Variants in SYNPR observed in about 807,000 individuals in gnomAD.
SYNPR encodes synaptoporin.
SYNPR carries 23 observed loss-of-function variants against 32.9 expected under a neutral mutation model. The ratio of observed to expected loss-of-function variants is 0.70; its 90% CI spans 0.50 to 0.99. SYNPR has a LOEUF of 0.99. Ranked by LOEUF, SYNPR falls within the 50% of genes least tolerant of loss-of-function variation. The pLI is 0.00. For synonymous variants in SYNPR, 146 were observed against 135.9 expected, an observed-to-expected ratio of 1.07 and a Z score of -0.52; for missense variants, 318 against 349.3, an observed-to-expected ratio of 0.91 and a Z score of 0.71.
intron 1 of SYNPR, among the ~76,000 whole-genome samples, chr3:63,232,615 A>G (rs1033916573): frequency 1.3e-5 from 2 of 152,186 alleles, no homozygotes; most frequent in African/African-American, 4.8e-5. Context: ...TGTAGGAAAT[A>G]CTATTGAATT....
rs538680771 is a variant in SYNPR at position 63,602,744 on chromosome 3, T to C, written c.409-6381T>C. Among the ~76,000 whole-genome samples, 330 of 152,360 alleles carry C rather than the reference T, an allele frequency of 2.2e-3. 2 individuals carry two copies. The highest frequency in any genetic ancestry group is 7.7e-3 in the African/African-American group (320 of 41,582). On this transcript the variant is annotated intron_variant, in intron 4 of 5. Coordinates refer to ENST00000478300, the MANE Select transcript of SYNPR (RefSeq NM_001130003.2). Reference sequence around the variant, plus strand: ...AACAGTACCATGTTGTTTTGGTTACTGTAGCCTTATAGTATAGCTTGAAGT... The same window carrying C: ...AACAGTACCATGTTGTTTTGGTTACCGTAGCCTTATAGTATAGCTTGAAGT...
At chr3:63,552,793 G>T (rs1027265726) in intron 3 of SYNPR, among the ~76,000 whole-genome samples, 3 of 152,172 alleles carry the variant, frequency 2.0e-5, no homozygotes, top group Non-Finnish European at 4.4e-5. Context: ...GGAGTTTGAT[G>T]CAGATTTAAA....
chr3:63,274,355 A>G (rs1237653905), upstream of SYNPR, among the ~76,000 whole-genome samples: 1 of 152,104 alleles, frequency 6.6e-6, no homozygotes. Flanking sequence ...CCTCTTTGAG[A>G]TTCAAAATGC....
chr3:63,531,072 C>T (rs553762322), intron 3 of SYNPR, among the ~76,000 whole-genome samples: 40 of 152,156 alleles, frequency 2.6e-4, no homozygotes, highest in African/African-American at 8.9e-4. Context: ...GCTGAAAGCC[C>T]TACAGAGCCC....
At chr3:63,584,275 T>A (rs1223004338) in intron 4 of SYNPR, among the ~76,000 whole-genome samples, 1 of 152,028 alleles carries the variant, frequency 6.6e-6, no homozygotes, top group Non-Finnish European at 1.5e-5. Context: ...GGCAGCATGG[T>A]TATGGTAGAT....
Position 63,366,562 on chromosome 3 carries a change from C to T in SYNPR, c.84+87820C>T, listed in dbSNP as rs557375241. ...GGAATGGTTTTCTATGTTGTTTGCTCCTGTTAAGAAAATAAACCAATATAA... is the reference window on the plus strand; with the variant it reads ...GGAATGGTTTTCTATGTTGTTTGCTTCTGTTAAGAAAATAAACCAATATAA... On this transcript the variant is annotated intron_variant, in intron 2 of 5. Transcript: ENST00000478300. 2.0e-5 allele frequency among the ~76,000 whole-genome samples: 3 copies of T among 152,262 alleles called. No individual in the cohort carries two copies. The South Asian group carries it at 6.2e-4, about 32-fold the overall frequency.
intron 2 of SYNPR, among the ~76,000 whole-genome samples, chr3:63,426,031 C>T (rs538963853): frequency 7.3e-4 from 111 of 152,154 alleles, no homozygotes; most frequent in Non-Finnish European, 1.3e-3. Flanking sequence ...GTGATCCACC[C>T]GCCTCGACCT....
rs538997340 is a variant in SYNPR at position 63,373,217 on chromosome 3, T to C, written c.84+94475T>C. On this transcript the variant is annotated intron_variant, in intron 2 of 5. Coordinates refer to ENST00000478300, the MANE Select transcript of SYNPR (RefSeq NM_001130003.2). ...ACACTAGTTCCCCAGCAAGGGTACTTAGCCAGGCTGAAATGGCTGAAATGA... is the reference window on the plus strand; with the variant it reads ...ACACTAGTTCCCCAGCAAGGGTACTCAGCCAGGCTGAAATGGCTGAAATGA... Among the ~76,000 whole-genome samples, 4 of 152,308 alleles carry C rather than the reference T, an allele frequency of 2.6e-5. No individual in the cohort carries two copies. In the East Asian group the frequency reaches 5.8e-4, roughly 22 times the overall value.
intron 2 of SYNPR, among the ~76,000 whole-genome samples, chr3:63,360,229 C>G (rs983526334): frequency 6.6e-6 from 1 of 152,212 alleles, no homozygotes; most frequent in Non-Finnish European, 1.5e-5. Context: ...CATCTTCACT[C>G]TCTTTTTCTC....
chr3:63,615,724 C>T lies in SYNPR; in HGVS notation c.*243C>T, dbSNP rs1700269813. ...ATTGGAGAGTACCTTGTTATATATA[C>T]AGATACTTTCATGGTCATTTTGTAT... On this transcript the variant is annotated 3_prime_UTR_variant, in exon 6 of 6. Transcript: ENST00000478300. 4.7e-6 allele frequency: 2 copies of T among 421,764 alleles called. No individual in the cohort carries two copies. The highest frequency in any genetic ancestry group is 7.8e-5 in the East Asian group (2 of 25,566). The allele number at this position is 421,764 out of a possible 1,614,324, so 26.1% of individuals were successfully genotyped here. A position where few individuals can be genotyped will look rare whatever the true frequency, so the allele number is the denominator to read the frequency against.
At chr3:63,254,788 G>A (rs1245464617) in intron 2 of SYNPR, among the ~76,000 whole-genome samples, 5 of 152,076 alleles carry the variant, frequency 3.3e-5, no homozygotes, top group Non-Finnish European at 7.3e-5. Flanking sequence ...TCTTTAAAGA[G>A]GTAATTAAGT....
At chr3:63,506,870 G>C (rs1701599037) in intron 3 of SYNPR, among the ~76,000 whole-genome samples, 1 of 152,088 alleles carries the variant, frequency 6.6e-6, no homozygotes, top group South Asian at 2.1e-4. Context: ...TGAGAACCTT[G>C]GCTTTATATG....
chr3:63,442,822 T>A (rs1700204458), intron 2 of SYNPR, among the ~76,000 whole-genome samples: 1 of 152,160 alleles, frequency 6.6e-6, no homozygotes, highest in Admixed American at 6.5e-5. Context: ...CAAATGGGGA[T>A]TATGCATAAC....
rs567591608 is a variant in SYNPR, at chr3:63,403,201, T to C, written c.85-77631T>C. ...CAACCATATAACATGCTCTGGCTGA[T>C]TGAAAGAGGTAGAAGTAAAAGTGTT... is the stretch of plus-strand genomic sequence containing the variant. On this transcript the variant is annotated intron_variant, in intron 2 of 5. Coordinates refer to ENST00000478300, the MANE Select transcript of SYNPR (RefSeq NM_001130003.2). Among the ~76,000 whole-genome samples, 6 of 152,192 alleles carry C rather than the reference T, an allele frequency of 3.9e-5. 1 individual carries two copies. In the South Asian group the frequency reaches 1.0e-3, roughly 26 times the overall value.
chr3:63,334,248 A>C (rs2087260620), intron 2 of SYNPR, among the ~76,000 whole-genome samples: 1 of 152,188 alleles, frequency 6.6e-6, no homozygotes, highest in African/African-American at 2.4e-5. Flanking sequence ...TGTGCTTGTA[A>C]GACCTCTCAA....
chr3:63,366,528 A>G (rs1299451337), intron 2 of SYNPR, among the ~76,000 whole-genome samples: 1 of 152,186 alleles, frequency 6.6e-6, no homozygotes, highest in Non-Finnish European at 1.5e-5. Context: ...ATCCTTTGTC[A>G]TTTATTGAGG....
At chr3:63,563,788 A>G (rs62250772) in intron 4 of SYNPR, among the ~76,000 whole-genome samples, 54,268 of 151,926 alleles carry the variant, frequency 0.36, 9,933 homozygotes, top group South Asian at 0.47. Flanking sequence ...GTATGTAGAC[A>G]GGCTTTGGTA....
chr3:63,264,544 G>A (rs141200331), intron 2 of SYNPR, among the ~76,000 whole-genome samples: 2 of 152,262 alleles, frequency 1.3e-5, no homozygotes, highest in African/African-American at 4.8e-5. Context: ...GCATATGTGT[G>A]TATTTTTAAA....
chr3:63,343,349 A>G (rs1312873229), intron 2 of SYNPR, among the ~76,000 whole-genome samples: 1 of 152,198 alleles, frequency 6.6e-6, no homozygotes, highest in Non-Finnish European at 1.5e-5. Flanking sequence ...GGATTCTAGG[A>G]GAGCCGAGGA....
Sources: allele counts gnomAD v4.1 joint callset (sites outside exome capture counted in the v4.1 genomes callset), GRCh38; gene constraint gnomAD v4.1.1; transcripts MANE v1.5; gene names NCBI Gene and HGNC (gene_info 2026-07-23, HGNC 2026-07-21).